Variants in GRK5 observed in about 807,000 individuals in gnomAD.
GRK5 encodes the protein G protein-coupled receptor kinase 5.
GRK5 carries 40 observed loss-of-function variants against 78.4 expected under a neutral mutation model. The ratio of observed to expected loss-of-function variants is 0.51; its 90% CI spans 0.40 to 0.66. The LOEUF (loss-of-function observed/expected upper bound fraction) is 0.66. GRK5 is among the 30% of genes least tolerant of loss of function. GRK5 has a pLI of 0.00. For missense variants in GRK5, 598 were observed against 759.9 expected (o/e 0.79, Z 2.50); for synonymous variants, 289 against 296.8 (o/e 0.97, Z 0.27).
At chr10:119,443,356 A>G (rs1853076479) in intron 11 of GRK5, among the ~76,000 whole-genome samples, 188 bp from the exon 12 acceptor site, 1 of 152,152 alleles carries the variant, frequency 6.6e-6, no homozygotes, top group Admixed American at 6.5e-5. Context: ...CAGAGTTCTA[A>G]AGCTACAGTC....
At chr10:119,239,937 G>A (rs1255662303) in intron 1 of GRK5, among the ~76,000 whole-genome samples, 1 of 152,052 alleles carries the variant, frequency 6.6e-6, no homozygotes, top group Admixed American at 6.6e-5. Flanking sequence ...ATTTGGGTTG[G>A]TTCCAAGTCT....
chr10:119,390,819 C>T (rs1160029777), intron 3 of GRK5, among the ~76,000 whole-genome samples: 2 of 152,168 alleles, frequency 1.3e-5, no homozygotes, highest in African/African-American at 2.4e-5. Context: ...TCCCACAACA[C>T]AAGAAAATTG....
chr10:119,300,085 T>A (rs1850149814), intron 1 of GRK5, among the ~76,000 whole-genome samples: 1 of 152,062 alleles, frequency 6.6e-6, no homozygotes, highest in Non-Finnish European at 1.5e-5. Flanking sequence ...GCAAAAGGCT[T>A]GGTGGGGATT....
intron 1 of GRK5, among the ~76,000 whole-genome samples, chr10:119,221,135 G>C (rs964007844): frequency 6.6e-6 from 1 of 151,928 alleles, no homozygotes; most frequent in South Asian, 2.1e-4. Flanking sequence ...CAGCCTGAGG[G>C]ACAAAGTAAA....
rs189753353 is a variant in GRK5 at position 119,445,752 on chromosome 10, T to C, written c.1266+2000T>C. Reference sequence around the variant, plus strand: ...TGGCAGCTCAGGACACTGCAGAGCCTGACTTGCCAGGAGACCTCGCAGGTC... The same window carrying C: ...TGGCAGCTCAGGACACTGCAGAGCCCGACTTGCCAGGAGACCTCGCAGGTC... On this transcript the variant is annotated intron_variant, in intron 12 of 15. Transcript: ENST00000392870. This position sits in a 1 kb window ranked among gnomAD's most constrained non-coding sequence, Gnocchi z 4.1. Among the ~76,000 whole-genome samples the C allele has an allele frequency of 6.6e-6, 1 of 152,302 alleles. No individual in the cohort carries two copies. The highest frequency in any genetic ancestry group is 6.5e-5 in the Admixed American group (1 of 15,296).
chr10:119,213,138 C>G (rs1170194471), intron 1 of GRK5: 1 of 152,172 alleles, frequency 6.6e-6, no homozygotes, highest in Non-Finnish European at 1.5e-5. Flanking sequence ...CACACAAGAC[C>G]CTGTCTCTAA....
At chr10:119,250,517 A>ATTTT (rs5788333) in intron 1 of GRK5, among the ~76,000 whole-genome samples, 5 of 136,026 alleles carry the variant, frequency 3.7e-5, no homozygotes, top group Admixed American at 7.8e-5. Flanking sequence ...CCTCATTTAA[A>ATTTT]TTTTTTTTTT....
At chr10:119,210,085 C>G (rs1384353676) in intron 1 of GRK5, among the ~76,000 whole-genome samples, 1 of 152,212 alleles carries the variant, frequency 6.6e-6, no homozygotes, top group African/African-American at 2.4e-5. Flanking sequence ...GTGGAGTGAC[C>G]GACTCCCATT....
chr10:119,208,052 C>T, intron 1 of GRK5, 83 bp downstream of exon 1: 1 of 1,364,378 alleles, frequency 7.3e-7, no homozygotes, highest in South Asian at 1.3e-5. Flanking sequence ...GCTGGGGCTG[C>T]GCCCGTGCAG....
chr10:119,330,494 C>G (rs568800072), intron 2 of GRK5: 31 of 152,142 alleles, frequency 2.0e-4, no homozygotes, highest in African/African-American at 7.5e-4. Context: ...AAGGCGTTAC[C>G]TCCAAATAAC....
chr10:119,222,811 G>A (rs1217896994), intron 1 of GRK5, among the ~76,000 whole-genome samples: 21 of 152,208 alleles, frequency 1.4e-4, no homozygotes, highest in African/African-American at 2.4e-5. Context: ...AGTGTGGGAG[G>A]GAGCTCCTCA....
chr10:119,411,182 C>A (rs1852330827), intron 4 of GRK5, among the ~76,000 whole-genome samples: 1 of 152,104 alleles, frequency 6.6e-6, no homozygotes, highest in Admixed American at 6.6e-5. Context: ...ACCCAGCTAC[C>A]CTCATGGTCA....
At chr10:119,212,088 A>T (rs1002952825) in intron 1 of GRK5, among the ~76,000 whole-genome samples, 39 of 152,176 alleles carry the variant, frequency 2.6e-4, no homozygotes, top group South Asian at 2.1e-4. Flanking sequence ...ATCCTGGTTA[A>T]GGCAGCTCGG....
At chr10:119,406,996 C>T (rs1852251589) in intron 4 of GRK5, among the ~76,000 whole-genome samples, 1 of 152,226 alleles carries the variant, frequency 6.6e-6, no homozygotes, top group Non-Finnish European at 1.5e-5. Flanking sequence ...AGTGGAGGCT[C>T]ACTCAGGATG....
chr10:119,342,544 G>A (rs762624801), intron 2 of GRK5, among the ~76,000 whole-genome samples: 27 of 152,148 alleles, frequency 1.8e-4, no homozygotes, highest in East Asian at 7.7e-4. Flanking sequence ...CTGCTTTCCC[G>A]TCTTCCTCTT....
At chr10:119,228,621 TG>T (rs1848779631) in intron 1 of GRK5, among the ~76,000 whole-genome samples, 1 of 151,818 alleles carries the variant, frequency 6.6e-6, no homozygotes, top group African/African-American at 2.4e-5. Context: ...ACCATGTCTC[TG>T]AGAAAAAAAG....
At chr10:119,283,397 T>C (rs2133692509) in intron 1 of GRK5, among the ~76,000 whole-genome samples, 1 of 152,274 alleles carries the variant, frequency 6.6e-6, no homozygotes, top group East Asian at 1.9e-4. Flanking sequence ...TCCCACCTCG[T>C]CCCCTAACCT....
At chr10:119,418,692 T>C (rs1046863825) in intron 4 of GRK5, among the ~76,000 whole-genome samples, 22 of 152,206 alleles carry the variant, frequency 1.4e-4, no homozygotes, top group African/African-American at 5.3e-4. Flanking sequence ...CCCCTGCTCC[T>C]TCCAGTTAAC....
chr10:119,366,010 C>T (rs1851443230), intron 2 of GRK5, among the ~76,000 whole-genome samples: 3 of 152,346 alleles, frequency 2.0e-5, no homozygotes, highest in African/African-American at 7.2e-5. Flanking sequence ...TGGGTGCCAA[C>T]ATGTGCAGGG....
Sources: gnomAD v4.1 joint callset for allele counts (sites outside exome capture counted in the v4.1 genomes callset) on GRCh38, gnomAD v4.1.1 for gene constraint, Gnocchi (gnomAD v3.1) non-coding constraint, MANE v1.5 for transcripts, NCBI Gene and HGNC (gene_info 2026-07-23, HGNC 2026-07-21) for gene names.